The following CREBBP variants were observed in gnomAD, a reference collection of about 807,000 sequenced individuals.
The protein encoded by CREBBP is CREB binding lysine acetyltransferase, also known as CREB-binding protein.
Under a neutral mutation model 265.0 loss-of-function variants are expected in CREBBP, and 19 were observed. The observed-to-expected ratio is 0.07, with a 90% confidence interval of 0.05 to 0.11. The LOEUF (loss-of-function observed/expected upper bound fraction) is 0.11. Among genes scored for constraint, CREBBP ranks in the 10% least tolerant of loss-of-function variants. CREBBP has a pLI of 1.00. For synonymous variants in CREBBP, 1,457 were observed against 1,223.7 expected (o/e 1.19, Z -3.98); for missense variants, 2,525 against 3,219.0 (o/e 0.78, Z 5.22).
At position 3,727,757 on chromosome 16, in the gene CREBBP, G is replaced by T. The variant is rs1596780214; in HGVS notation, c.7290C>A (p.Thr2430=). The change falls in exon 31 of 31, where the codon ACC becomes ACA. Residue 2430 remains threonine (T), a synonymous_variant. Transcript: ENST00000262367. ...LSSELSLVGD[T]TGDTLEKFVE... ...CAAACTTCTCTAGCGTGTCCCCCGTGGTGTCCCCGACCAGGGACAGTTCGC... is the reference window on the plus strand; with the variant it reads ...CAAACTTCTCTAGCGTGTCCCCCGTTGTGTCCCCGACCAGGGACAGTTCGC... 1 of 1,614,074 alleles carries T rather than the reference G, an allele frequency of 6.2e-7. No individual in the cohort carries two copies. Among genetic ancestry groups the T allele is most frequent in the Non-Finnish European group, 8.5e-7 (1 of 1,180,010 alleles).
At chr16:3,817,830 G>A (rs779658957) in intron 2 of CREBBP, among the ~76,000 whole-genome samples, 1 of 151,994 alleles carries the variant, frequency 6.6e-6, no homozygotes. Flanking sequence ...GGGAGCATTT[G>A]GGTGGGCACC....
At chr16:3,865,447 A>C (rs950444096) in intron 1 of CREBBP, among the ~76,000 whole-genome samples, 2 of 152,166 alleles carry the variant, frequency 1.3e-5, no homozygotes, top group African/African-American at 4.8e-5. Flanking sequence ...TTAAGAAGAA[A>C]AAGGCAGGAA....
At chr16:3,787,070 C>CAAAAAAA (rs757962926) in intron 5 of CREBBP, among the ~76,000 whole-genome samples, 13 of 86,972 alleles carry the variant, frequency 1.5e-4, no homozygotes, top group African/African-American at 3.8e-4. Flanking sequence ...GACTTCGTCT[C>CAAAAAAA]AAAAAAAAAA....
chr16:3,790,340 A>C (rs1417821931), intron 5 of CREBBP, among the ~76,000 whole-genome samples: 1 of 149,560 alleles, frequency 6.7e-6, no homozygotes, highest in African/African-American at 2.5e-5. Flanking sequence ...ATCAAAGAAT[A>C]ATTTAACTGA....
At chr16:3,875,870 T>C (rs535915950) in intron 1 of CREBBP, among the ~76,000 whole-genome samples, 22 of 152,264 alleles carry the variant, frequency 1.4e-4, no homozygotes, top group Non-Finnish European at 2.5e-4. Context: ...CAGACATACA[T>C]AACAGACCAT....
At chr16:3,767,077 T>TTCTCCTGCCTCAGGTA (rs2052872712) in intron 16 of CREBBP, among the ~76,000 whole-genome samples, 2 of 152,180 alleles carry the variant, frequency 1.3e-5, no homozygotes, top group African/African-American at 4.8e-5. Context: ...CACTTGACAA[T>TTCTCCTGCCTCAGGTA]TTTCTGATAC....
chr16:3,851,244 C>T (rs774332940), intron 1 of CREBBP, among the ~76,000 whole-genome samples: 4 of 139,560 alleles, frequency 2.9e-5, no homozygotes, highest in African/African-American at 5.5e-5. Flanking sequence ...GCCAAGATCA[C>T]GCCATTGCAC....
chr16:3,859,487 C>G (rs2055029366), intron 1 of CREBBP, among the ~76,000 whole-genome samples: 1 of 152,218 alleles, frequency 6.6e-6, no homozygotes, highest in Non-Finnish European at 1.5e-5. Context: ...AGCCACCACA[C>G]CCAACCAGTA....
At chr16:3,793,753 G>C (rs1318554763) in intron 3 of CREBBP, 127 bp from the exon 4 acceptor site, 6 of 1,142,972 alleles carry the variant, frequency 5.2e-6, no homozygotes, top group East Asian at 2.6e-5. Flanking sequence ...GGCTGGTGTA[G>C]TTCTCTAACC....
intron 18 of CREBBP, 62 bp from the exon 19 acceptor site, chr16:3,757,438 G>A: frequency 7.6e-7 from 1 of 1,320,090 alleles, no homozygotes; most frequent in Non-Finnish European, 1.1e-6. Context: ...GTCTTATAAT[G>A]TTCTAGTCTA....
chr16:3,770,555 G>C lies in CREBBP; in HGVS notation c.2880+15C>G, dbSNP rs2052976152. 1.2e-6 allele frequency: 2 copies of C among 1,611,690 alleles called. No individual in the cohort carries two copies. The highest frequency in any genetic ancestry group is 1.1e-5 in the South Asian group (1 of 91,022). On this transcript the variant is annotated intron_variant, in intron 14 of 30. Coordinates refer to ENST00000262367, the MANE Select transcript of CREBBP (RefSeq NM_004380.3). ...AGAGTCTTGGCCCAAAAACAGCAGA[G>C]ACAGAGAGGCTTACCGGTGTGCCAG...
intron 2 of CREBBP, among the ~76,000 whole-genome samples, chr16:3,848,914 A>G (rs909122802): frequency 6.6e-5 from 10 of 152,160 alleles, no homozygotes; most frequent in Non-Finnish European, 1.5e-4. Flanking sequence ...TTAAACATTG[A>G]GCATTACTTC....
Position 3,731,391 on chromosome 16 carries a change from C to T in CREBBP, c.4973G>A (p.Cys1658Tyr), listed in dbSNP as rs1366429149. The part of the protein sequence containing the change: ...PIVDPDPLLS[C>Y]DLMDGRDAFL... The stretch of plus-strand genomic sequence containing the variant: ...GGCGTCGCGCCCATCCATGAGGTCA[C>T]AGCTGAGCAGGGGGTCGGGGTCGAC... Residue 1658 changes from cysteine to tyrosine, a missense_variant, in exon 30 of 31, where the codon TGT becomes TAT. Cys to Tyr is a radical substitution (Grantham distance 194). Transcript: ENST00000262367. The surrounding 1 kb of genome is among the most constrained non-coding windows in gnomAD (Gnocchi z 7.7). The T allele has an allele frequency of 1.2e-6, 2 of 1,611,262 alleles. No homozygotes were observed. Among genetic ancestry groups the T allele is most frequent in the Non-Finnish European group, 1.7e-6 (2 of 1,179,032 alleles).
At chr16:3,791,180 A>G (rs2053499458) in intron 5 of CREBBP, 1 of 152,850 alleles carries the variant, frequency 6.5e-6, no homozygotes, top group East Asian at 1.9e-4. Flanking sequence ...ACACCCAAAG[A>G]CCACAGTTTT....
chr16:3,870,683 T>C (rs1365439284), intron 1 of CREBBP, among the ~76,000 whole-genome samples: 1 of 152,172 alleles, frequency 6.6e-6, no homozygotes, highest in African/African-American at 2.4e-5. Flanking sequence ...AAGCTTCCCA[T>C]GTATTCAGTG....
At chr16:3,833,599 A>G (rs2054385551) in intron 2 of CREBBP, among the ~76,000 whole-genome samples, 1 of 152,242 alleles carries the variant, frequency 6.6e-6, no homozygotes, top group African/African-American at 2.4e-5. Context: ...TAGCAGGGTT[A>G]CAAGATACAA....
chr16:3,797,627 T>C (rs2053633428), intron 3 of CREBBP, among the ~76,000 whole-genome samples: 1 of 152,178 alleles, frequency 6.6e-6, no homozygotes. Context: ...AAACACCTTA[T>C]TGTACTGCAC....
chr16:3,878,592 GT>G (rs952658819), intron 1 of CREBBP, among the ~76,000 whole-genome samples: 3 of 152,058 alleles, frequency 2.0e-5, no homozygotes, highest in African/African-American at 7.2e-5. Context: ...AGCAATAGCA[GT>G]TTTTTTTAAT....
At chr16:3,762,821 C>A (rs1200080917) in intron 16 of CREBBP, among the ~76,000 whole-genome samples, 2 of 151,310 alleles carry the variant, frequency 1.3e-5, no homozygotes, top group Non-Finnish European at 2.9e-5. Context: ...GTCGCCCAGG[C>A]TGGAGTGCAG....
Sources: gnomAD v4.1 joint callset for allele counts (sites outside exome capture counted in the v4.1 genomes callset) on GRCh38, gnomAD v4.1.1 for gene constraint, Gnocchi (gnomAD v3.1) non-coding constraint, MANE v1.5 for transcripts, NCBI Gene and HGNC (gene_info 2026-07-23, HGNC 2026-07-21) for gene names.